CEACAM6: variants seen among roughly 807,000 people sequenced by gnomAD.
CEACAM6 encodes the protein cell adhesion molecule CEACAM6.
CEACAM6 carries 21 observed loss-of-function variants against 32.4 expected under a neutral mutation model. The observed-to-expected ratio is 0.65, with a 90% confidence interval of 0.46 to 0.93. CEACAM6 has a LOEUF of 0.93. Among genes scored for constraint, CEACAM6 ranks in the 40% least tolerant of loss-of-function variants. The probability of loss-of-function intolerance (pLI) is 0.00; values close to 1 mark genes in which losing one functional copy is unlikely to be tolerated. For missense variants in CEACAM6, 406 were observed against 432.2 expected, an observed-to-expected ratio of 0.94 and a Z score of 0.54; for synonymous variants, 184 against 174.4, an observed-to-expected ratio of 1.06 and a Z score of -0.43.
intron 4 of CEACAM6, among the ~76,000 whole-genome samples, chr19:41,764,305 A>AG (rs1405486909): frequency 2.0e-5 from 3 of 152,084 alleles, no homozygotes; most frequent in Non-Finnish European, 4.4e-5. Context: ...TTTTGAGAGT[A>AG]GGTCTCACTC....
At chr19:41,765,240 G>A (rs781902014) in intron 4 of CEACAM6, among the ~76,000 whole-genome samples, 1 of 152,180 alleles carries the variant, frequency 6.6e-6, no homozygotes, top group Admixed American at 6.5e-5. Context: ...CTACCCAAGA[G>A]AGTTACTGTA....
chr19:41,768,739 C>A (rs1208924017), intron 5 of CEACAM6, among the ~76,000 whole-genome samples: 20 of 146,842 alleles, frequency 1.4e-4, no homozygotes, highest in East Asian at 1.2e-3. Context: ...CTGACCCCCC[C>A]ACCTCCCTCC....
intron 3 of CEACAM6, 57 bp from the exon 4 acceptor site, chr19:41,761,912 A>G: frequency 2.5e-6 from 4 of 1,598,046 alleles, no homozygotes; most frequent in Non-Finnish European, 3.4e-6. Flanking sequence ...TCCACAGACC[A>G]GGAACTTATG....
Position 41,761,611 on chromosome 19 carries a change from G to A in CEACAM6, c.703+84G>A, listed in dbSNP as rs1166144719. ...GTCCAGGTCTCTCAGTCCCTCTCAG[G>A]TCTAAGGACTCAGACCCTCACCCAG... On this transcript the variant is annotated intron_variant, in intron 3 of 5. Coordinates refer to ENST00000199764, the MANE Select transcript of CEACAM6 (RefSeq NM_002483.7). 6.3e-6 allele frequency: 10 copies of A among 1,578,464 alleles called. No homozygotes were observed. The East Asian group carries it at 2.0e-4, about 32-fold the overall frequency.
chr19:41,759,480 G>C (rs782386330), intron 2 of CEACAM6, among the ~76,000 whole-genome samples: 1 of 152,070 alleles, frequency 6.6e-6, no homozygotes, highest in East Asian at 1.9e-4. Context: ...ATTTGGCATC[G>C]TTCCTTCCTT....
chr19:41,763,242 C>G (rs925098840), intron 4 of CEACAM6, among the ~76,000 whole-genome samples: 3 of 152,178 alleles, frequency 2.0e-5, no homozygotes, highest in Non-Finnish European at 2.9e-5. Flanking sequence ...AAACTCTGTT[C>G]CCATCAAACT....
At chr19:41,766,397 C>T in intron 5 of CEACAM6, 98 bp downstream of exon 5, 1 of 541,220 alleles carries the variant, frequency 1.8e-6, no homozygotes, top group Non-Finnish European at 3.2e-6. Context: ...GACTGGATCT[C>T]CTTCTACCGC....
At chr19:41,769,394 C>T (rs2072978393) in intron 5 of CEACAM6, among the ~76,000 whole-genome samples, 1 of 152,090 alleles carries the variant, frequency 6.6e-6, no homozygotes, top group African/African-American at 2.4e-5. Context: ...TACCATTAGA[C>T]TATTTAAGAA....
At chr19:41,766,398 C>T in intron 5 of CEACAM6, 99 bp downstream of exon 5, 1 of 542,372 alleles carries the variant, frequency 1.8e-6, no homozygotes, top group South Asian at 2.5e-5. Flanking sequence ...ACTGGATCTC[C>T]TTCTACCGCT....
Position 41,760,931 on chromosome 19 carries a change from C to G in CEACAM6, c.425-318C>G, listed in dbSNP as rs139839831. ...TTCAGGTGAGGACTCCAAGGGAAGC[C>G]AGGCAGGCAGCTGGTCAGGGAGAAA... On this transcript the variant is annotated intron_variant, in intron 2 of 5. Coordinates refer to ENST00000199764, the MANE Select transcript of CEACAM6 (RefSeq NM_002483.7). Among the ~76,000 whole-genome samples the G allele has an allele frequency of 8.0e-3, 1,214 of 152,272 alleles. 11 individuals are homozygous for G. The highest frequency in any genetic ancestry group is 0.011 in the Non-Finnish European group (778 of 68,008).
Position 41,766,191 on chromosome 19 carries a change from C to G in CEACAM6, c.967C>G (p.Pro323Ala). The change falls in exon 5 of 6, where the codon CCT (proline) becomes GCT (alanine). Residue 323 changes from proline to alanine, a missense_variant. By Grantham distance (27) the Pro-to-Ala change is conservative. Transcript: ENST00000199764. ...TCTCTTCTTCCCACAAGGAAGTGCT[C>G]CTGTCCTCTCAGCTGTGGCCACCGT... is the stretch of plus-strand genomic sequence containing the variant. The part of the protein sequence containing the change: ...VTMITVSGSA[P>A]VLSAVATVGI... The G allele has an allele frequency of 1.2e-6, 2 of 1,606,660 alleles. No homozygotes were observed. Among genetic ancestry groups the G allele is most frequent in the South Asian group, 2.2e-5 (2 of 89,586 alleles).
At chr19:41,767,738 A>T (rs1555822512) in intron 5 of CEACAM6, among the ~76,000 whole-genome samples, 1 of 152,170 alleles carries the variant, frequency 6.6e-6, no homozygotes, top group East Asian at 1.9e-4. Flanking sequence ...TTTAGCTAGG[A>T]GGATTAGAAT....
chr19:41,764,852 G>A (rs2072947634), intron 4 of CEACAM6, among the ~76,000 whole-genome samples: 1 of 151,504 alleles, frequency 6.6e-6, no homozygotes, highest in East Asian at 1.9e-4. Flanking sequence ...TCTCTTTAAT[G>A]TAAGTATTTA....
intron 4 of CEACAM6, among the ~76,000 whole-genome samples, chr19:41,763,965 G>A (rs917389857): frequency 6.6e-5 from 10 of 152,200 alleles, no homozygotes; most frequent in African/African-American, 2.2e-4. Flanking sequence ...ACACTATGTT[G>A]AAGAGAAGTG....
In CEACAM6 at chr19:41,762,199, A is replaced by G; in HGVS notation, c.934A>G (p.Thr312Ala). The change falls in exon 4 of 6, where the codon ACA (threonine) becomes GCA (alanine). Residue 312 changes from threonine (T) to alanine (A), a missense_variant. By Grantham distance (58) the Thr-to-Ala change is moderately conservative (BLOSUM62 0). Transcript: ENST00000199764. Reference protein sequence around the residue: ...HNSATGLNRTTVTMITVSGSA... With the variant: ...HNSATGLNRTAVTMITVSGSA... Reference sequence around the variant, plus strand: ...CTCAGCCACTGGCCTCAATAGGACCACAGTCACGATGATCACAGTCTCTGG... The same window carrying G: ...CTCAGCCACTGGCCTCAATAGGACCGCAGTCACGATGATCACAGTCTCTGG... The G allele has an allele frequency of 6.2e-7, 1 of 1,614,106 alleles. No individual in the cohort carries two copies. Among genetic ancestry groups the G allele is most frequent in the South Asian group, 1.1e-5 (1 of 91,076 alleles).
At chr19:41,763,242 C>A (rs925098840) in intron 4 of CEACAM6, among the ~76,000 whole-genome samples, 1 of 152,178 alleles carries the variant, frequency 6.6e-6, no homozygotes. Flanking sequence ...AAACTCTGTT[C>A]CCATCAAACT....
intron 5 of CEACAM6, among the ~76,000 whole-genome samples, chr19:41,769,781 A>G (rs142989629): frequency 2.7e-5 from 4 of 148,428 alleles, no homozygotes; most frequent in African/African-American, 7.3e-5. Context: ...TTTGATGATC[A>G]TTATTTAATA....
intron 5 of CEACAM6, among the ~76,000 whole-genome samples, chr19:41,766,673 C>T (rs1394470564): frequency 6.6e-6 from 1 of 152,080 alleles, no homozygotes; most frequent in East Asian, 1.9e-4. Flanking sequence ...ATATGACTGC[C>T]TCATTACCTT....
intron 2 of CEACAM6, 100 bp from the exon 3 acceptor site, chr19:41,761,149 A>G: frequency 6.3e-7 from 1 of 1,582,408 alleles, no homozygotes; most frequent in Non-Finnish European, 8.6e-7. Flanking sequence ...TAAGGACTCA[A>G]GGGGGCTGAG....
Sources: gnomAD v4.1 joint callset for allele counts (sites outside exome capture counted in the v4.1 genomes callset) on GRCh38, gnomAD v4.1.1 for gene constraint, MANE v1.5 for transcripts, NCBI Gene and HGNC (gene_info 2026-07-23, HGNC 2026-07-21) for gene names.